The following GRIN2B variants were observed in gnomAD, a reference collection of about 807,000 sequenced individuals.
The protein encoded by GRIN2B is glutamate receptor ionotropic, NMDA 2B.
Under a neutral mutation model 114.5 loss-of-function variants are expected in GRIN2B, and 5 were observed. The observed-to-expected ratio is 0.04, with a 90% CI of 0.02 to 0.09. GRIN2B has a LOEUF of 0.09. Among genes scored for constraint, GRIN2B ranks in the 10% least tolerant of loss-of-function variants. The probability of loss-of-function intolerance (pLI) is 1.00; values close to 1 mark genes in which losing one functional copy is unlikely to be tolerated. For synonymous variants in GRIN2B, 787 were observed against 745.1 expected (o/e 1.06, Z -0.92); for missense variants, 1,108 against 1,943.5 (o/e 0.57, Z 8.08).
In GRIN2B at chr12:13,894,157, C is replaced by G. The variant is rs188279304; in HGVS notation, c.-18-27931G>C. On this transcript the variant is annotated intron_variant, in intron 2 of 13. Transcript: ENST00000609686. ...ATTGATACAAACCATTTTAGAAAAG[C>G]CATTTGGCATTACAGATCAAGAGCT... 2.0e-5 allele frequency among the ~76,000 whole-genome samples: 3 copies of G among 152,134 alleles called. No individual in the cohort carries two copies. The East Asian group carries it at 5.8e-4, about 29-fold the overall frequency.
In GRIN2B at chr12:13,631,517, CA is replaced by C. The variant is rs1359539363; in HGVS notation, c.1126-14861del. Among the ~76,000 whole-genome samples the C allele has an allele frequency of 4.6e-5, 7 of 151,534 alleles. No individual in the cohort carries two copies. In the East Asian group the frequency reaches 1.4e-3, roughly 29 times the overall value. ...GTTGGCAAGAATGCTCCCATCCAGC[CA>C]AAAAGAAAAGAAAAAAAAGAAAAAT... On this transcript the variant is annotated intron_variant, in intron 5 of 13. Transcript: ENST00000609686.
intron 3 of GRIN2B, among the ~76,000 whole-genome samples, chr12:13,805,804 G>A (rs1864590524): frequency 6.6e-6 from 1 of 152,036 alleles, no homozygotes; most frequent in African/African-American, 2.4e-5. Flanking sequence ...ATTAACTATA[G>A]TCACCATCTT....
intron 3 of GRIN2B, among the ~76,000 whole-genome samples, chr12:13,808,854 G>A (rs1384108765): frequency 1.3e-5 from 2 of 151,566 alleles, no homozygotes; most frequent in East Asian, 1.9e-4. Context: ...AATAGATAAA[G>A]CAAGGCTAGG....
rs541832828 is a variant in GRIN2B at position 13,705,784 on chromosome 12, G to T, written c.1011-29925C>A. 9.0e-4 allele frequency among the ~76,000 whole-genome samples: 137 copies of T among 152,212 alleles called. 1 individual carries two copies. The highest frequency in any genetic ancestry group is 1.4e-3 in the Non-Finnish European group (94 of 68,002). On this transcript the variant is annotated intron_variant, in intron 4 of 13. Coordinates refer to ENST00000609686, the MANE Select transcript of GRIN2B (RefSeq NM_000834.5). Reference sequence around the variant, plus strand: ...AGTTCAGAGAACTTTAATCAAGATGGCTAAAGACATTAAAATAAACCCTTT... The same window carrying T: ...AGTTCAGAGAACTTTAATCAAGATGTCTAAAGACATTAAAATAAACCCTTT...
chr12:13,738,263 T>C (rs1863219661), intron 4 of GRIN2B, among the ~76,000 whole-genome samples: 1 of 152,252 alleles, frequency 6.6e-6, no homozygotes, highest in African/African-American at 2.4e-5. Flanking sequence ...CTAGTGCTAA[T>C]AACTTTCATT....
chr12:13,833,882 A>G (rs947436054), intron 3 of GRIN2B, among the ~76,000 whole-genome samples: 2 of 152,132 alleles, frequency 1.3e-5, no homozygotes, highest in Non-Finnish European at 2.9e-5. Context: ...TGAAAAAAAA[A>G]TGAAGGTCAT....
chr12:13,603,212 G>T (rs952099294), intron 10 of GRIN2B, among the ~76,000 whole-genome samples: 1 of 152,220 alleles, frequency 6.6e-6, no homozygotes, highest in African/African-American at 2.4e-5. Flanking sequence ...TCTCTAAAAG[G>T]CTTATTAAAT....
rs562784529 is a variant in GRIN2B, at chr12:13,719,039, C to T, written c.1010+34278G>A. On this transcript the variant is annotated intron_variant, in intron 4 of 13. Transcript: ENST00000609686. ...AGGCCATCATCCACCCACCCACATG[C>T]CTGTTGTCACAAGAATTCTCCCCAA... Among the ~76,000 whole-genome samples the T allele has an allele frequency of 6.8e-4, 104 of 152,166 alleles. 1 individual carries two copies. The highest frequency in any genetic ancestry group is 2.4e-3 in the African/African-American group (101 of 41,564).
At chr12:13,738,458 G>A (rs1031760646) in intron 4 of GRIN2B, among the ~76,000 whole-genome samples, 1 of 152,146 alleles carries the variant, frequency 6.6e-6, no homozygotes, top group South Asian at 2.1e-4. Flanking sequence ...TTTTACTGAT[G>A]AAAACTCATC....
intron 9 of GRIN2B, among the ~76,000 whole-genome samples, chr12:13,611,118 G>C (rs1460689557): frequency 6.6e-6 from 1 of 152,138 alleles, no homozygotes; most frequent in Non-Finnish European, 1.5e-5. Flanking sequence ...CACATCTCTA[G>C]GTCTACCTAC....
At chr12:13,856,575 G>C (rs2136734752) in intron 3 of GRIN2B, among the ~76,000 whole-genome samples, 1 of 152,226 alleles carries the variant, frequency 6.6e-6, no homozygotes, top group East Asian at 1.9e-4. Flanking sequence ...TTGATTTCCA[G>C]ACTGAGAAAT....
At chr12:13,627,088 T>C (rs530092170) in intron 5 of GRIN2B, among the ~76,000 whole-genome samples, 18 of 152,062 alleles carry the variant, frequency 1.2e-4, no homozygotes, top group South Asian at 2.1e-4. Context: ...TCAGAAGCCC[T>C]GGGCAGCCAT....
intron 5 of GRIN2B, among the ~76,000 whole-genome samples, chr12:13,652,620 A>G (rs1392315380): frequency 6.6e-6 from 1 of 152,118 alleles, no homozygotes; most frequent in East Asian, 1.9e-4. Flanking sequence ...AAATTATGGA[A>G]AAAGAGAAGG....
chr12:13,931,582 A>T lies in GRIN2B; in HGVS notation c.-19+48346T>A, dbSNP rs80025646. 7.2e-3 allele frequency among the ~76,000 whole-genome samples: 1,079 copies of T among 150,080 alleles called. 16 individuals carry two copies. Among genetic ancestry groups the T allele is most frequent in the African/African-American group, 0.026 (1,014 of 39,438 alleles). On this transcript the variant is annotated intron_variant, in intron 2 of 13. Transcript: ENST00000609686. ...GGCGTTAAATACCATCTCTATGCTG[A>T]CAGCTCCCAAGCTGATATGTCTAGT...
At chr12:13,891,282 T>G (rs143404066) in intron 2 of GRIN2B, among the ~76,000 whole-genome samples, 1 of 152,276 alleles carries the variant, frequency 6.6e-6, no homozygotes, top group African/African-American at 2.4e-5. Flanking sequence ...GTGATTCCTA[T>G]TCAAGAAGGA....
At position 13,832,977 on chromosome 12, in the gene GRIN2B, T is replaced by A. The variant is rs146200235; in HGVS notation, c.411+32821A>T. Reference sequence around the variant, plus strand: ...TAATTAAAAAAAATCGTCATTCTGATGAATAAAACATATCATGAATAAATA... The same window carrying A: ...TAATTAAAAAAAATCGTCATTCTGAAGAATAAAACATATCATGAATAAATA... On this transcript the variant is annotated intron_variant, in intron 3 of 13. Transcript: ENST00000609686. 2.5e-3 allele frequency among the ~76,000 whole-genome samples: 376 copies of A among 152,280 alleles called. 1 individual carries two copies. Among genetic ancestry groups the A allele is most frequent in the Middle Eastern group, 6.8e-3 (2 of 294 alleles).
At chr12:13,969,871 T>G (rs1339335364) in intron 2 of GRIN2B, among the ~76,000 whole-genome samples, 1 of 152,204 alleles carries the variant, frequency 6.6e-6, no homozygotes, top group Non-Finnish European at 1.5e-5. Flanking sequence ...AAGGTAACCA[T>G]GATCCCATTT....
chr12:13,843,441 A>T (rs1305192913), intron 3 of GRIN2B, among the ~76,000 whole-genome samples: 4 of 152,030 alleles, frequency 2.6e-5, no homozygotes, highest in African/African-American at 9.7e-5. Flanking sequence ...TAATTTTTCC[A>T]TGAGGCCAAA....
chr12:13,762,170 A>AT (rs1231412400), intron 3 of GRIN2B, among the ~76,000 whole-genome samples: 2 of 151,948 alleles, frequency 1.3e-5, no homozygotes, highest in African/African-American at 4.8e-5. Flanking sequence ...CGACCGGCTA[A>AT]TTTTTTGTAT....
Sources: allele counts gnomAD v4.1 joint callset (sites outside exome capture counted in the v4.1 genomes callset), GRCh38; gene constraint gnomAD v4.1.1; transcripts MANE v1.5; gene names NCBI Gene and HGNC (gene_info 2026-07-23, HGNC 2026-07-21).